Variants in TMOD1 observed in about 807,000 individuals in gnomAD.
The protein encoded by TMOD1 is tropomodulin 1, also known as tropomodulin-1.
In TMOD1, 17 loss-of-function variants were observed where a neutral mutation model predicts 40.6. That is an observed-to-expected ratio of 0.42 (90% CI 0.29 to 0.63). The LOEUF (loss-of-function observed/expected upper bound fraction) is 0.63. Among genes scored for constraint, TMOD1 ranks in the 20% least tolerant of loss-of-function variants. TMOD1 has a pLI of 0.22. For synonymous variants in TMOD1, 181 were observed against 175.0 expected (o/e 1.03, Z -0.27); for missense variants, 391 against 447.6 (o/e 0.87, Z 1.14).
At chr9:97,525,362 TAC>T (rs144785058) in intron 2 of TMOD1, among the ~76,000 whole-genome samples, 1 of 151,852 alleles carries the variant, frequency 6.6e-6, no homozygotes, top group Admixed American at 6.6e-5. Context: ...AGATATTTGC[TAC>T]ACACACACAC....
At chr9:97,534,033 G>C (rs1389546932) in intron 2 of TMOD1, among the ~76,000 whole-genome samples, 5 of 152,196 alleles carry the variant, frequency 3.3e-5, no homozygotes, top group Admixed American at 3.3e-4. Context: ...GGGATGGGGA[G>C]GGGGAGGGAT....
In TMOD1 at chr9:97,564,039, C is replaced by T. The variant is rs148028406; in HGVS notation, c.489C>T (p.Ser163=). 141 of 1,613,712 alleles carry T rather than the reference C, an allele frequency of 8.7e-5. No individual in the cohort carries two copies. In the African/African-American group the frequency reaches 8.8e-4, roughly 10 times the overall value. ...SSIMNKEGLN[S]VIKPTQYKPV... ...CCTCCCTTTCATCGGTCACTCTAGG[C>T]GTGATTAAACCCACACAATACAAGC... is the stretch of plus-strand genomic sequence containing the variant. Residue 163 remains serine (S), a splice_region_variant and synonymous_variant, in exon 6 of 10, where the codon AGC becomes AGT. Transcript: ENST00000259365.
At chr9:97,566,082 G>A in intron 7 of TMOD1, 127 bp downstream of exon 7, 1 of 742,078 alleles carries the variant, frequency 1.3e-6, no homozygotes, top group Non-Finnish European at 2.2e-6. Context: ...GGAAGGCATT[G>A]GACCAGGAGC....
chr9:97,510,728 G>C (rs1457242496), intron 1 of TMOD1, among the ~76,000 whole-genome samples: 1 of 152,164 alleles, frequency 6.6e-6, no homozygotes, highest in East Asian at 1.9e-4. Flanking sequence ...GAGTAGGGGT[G>C]CCTGAAGATA....
At chr9:97,536,415 CAGCTGGA>C (rs1317953142) in intron 2 of TMOD1, among the ~76,000 whole-genome samples, 1 of 151,994 alleles carries the variant, frequency 6.6e-6, no homozygotes, top group Non-Finnish European at 1.5e-5. Flanking sequence ...GAAGAGGAGT[CAGCTGGA>C]AGTTCGAAAA....
Position 97,540,569 on chromosome 9 carries a change from T to C in TMOD1, c.121-5616T>C, listed in dbSNP as rs554835460. Among the ~76,000 whole-genome samples the C allele has an allele frequency of 1.6e-3, 238 of 152,362 alleles. 2 individuals are homozygous for C. Among genetic ancestry groups the C allele is most frequent in the African/African-American group, 5.5e-3 (229 of 41,584 alleles). ...CATAACACCAGCCCTAGGCAACCAC[T>C]AATCTACTTTCTGTCTCTACAGATT... On this transcript the variant is annotated intron_variant, in intron 2 of 9. Coordinates refer to ENST00000259365, the MANE Select transcript of TMOD1 (RefSeq NM_003275.4).
intron 1 of TMOD1, among the ~76,000 whole-genome samples, chr9:97,505,647 T>A (rs141743227): frequency 7.0e-4 from 107 of 152,148 alleles, no homozygotes; most frequent in African/African-American, 2.5e-3. Flanking sequence ...ACGACTCCAG[T>A]CACCTCCCAA....
intron 3 of TMOD1, among the ~76,000 whole-genome samples, chr9:97,552,868 T>C (rs550796024): frequency 6.6e-6 from 1 of 152,340 alleles, no homozygotes; most frequent in South Asian, 2.1e-4. Context: ...GCATTATTTT[T>C]CTCCCTTTTC....
At chr9:97,503,581 G>A (rs930893604) in intron 1 of TMOD1, among the ~76,000 whole-genome samples, 1 of 152,320 alleles carries the variant, frequency 6.6e-6, no homozygotes, top group Middle Eastern at 3.4e-3. Context: ...GTTTTAGAGA[G>A]TCATTGACCC....
intron 8 of TMOD1, among the ~76,000 whole-genome samples, chr9:97,584,887 C>A (rs1032387793): frequency 6.6e-5 from 10 of 152,096 alleles, no homozygotes; most frequent in African/African-American, 2.4e-4. Context: ...TTATTTTGAG[C>A]CTATGTGTGT....
chr9:97,554,474 A>T (rs1830504734), intron 4 of TMOD1, among the ~76,000 whole-genome samples: 1 of 149,974 alleles, frequency 6.7e-6, no homozygotes, highest in Admixed American at 6.7e-5. Flanking sequence ...TTCAAGATAG[A>T]GATTTGGGCA....
Position 97,524,165 on chromosome 9 carries a change from G to A in TMOD1, c.-24G>A. 1 of 1,611,154 alleles carries A rather than the reference G, an allele frequency of 6.2e-7. No homozygotes were observed. The highest frequency in any genetic ancestry group is 1.7e-5 in the Admixed American group (1 of 59,562). On this transcript the variant is annotated 5_prime_UTR_variant, in exon 2 of 10. Transcript: ENST00000259365. ...GGTATTACTCAGCACAGAAATTCAG[G>A]AGACACAGACAAGTTCTTCCACGAT...
intron 2 of TMOD1, among the ~76,000 whole-genome samples, chr9:97,525,620 G>A (rs1301414249): frequency 6.6e-6 from 1 of 152,182 alleles, no homozygotes; most frequent in African/African-American, 2.4e-5. Flanking sequence ...GTTTTCCATT[G>A]ACCCTAATCA....
chr9:97,563,899 C>CA, intron 5 of TMOD1, 139 bp from the exon 6 acceptor site: 2 of 1,217,958 alleles, frequency 1.6e-6, no homozygotes, highest in Non-Finnish European at 2.3e-6. Context: ...GTGGTGCCCC[C>CA]TACCCCCACC....
At chr9:97,561,262 C>T (rs1362721983) in intron 4 of TMOD1, among the ~76,000 whole-genome samples, 2 of 152,182 alleles carry the variant, frequency 1.3e-5, no homozygotes, top group African/African-American at 4.8e-5. Flanking sequence ...AAAAGACACC[C>T]GAACTCCTTA....
intron 2 of TMOD1, among the ~76,000 whole-genome samples, chr9:97,544,749 G>T (rs1056695548): frequency 2.0e-5 from 3 of 151,840 alleles, no homozygotes; most frequent in African/African-American, 7.3e-5. Flanking sequence ...GGCTGGGAAC[G>T]GTAATCCCAG....
At chr9:97,599,540 T>C (rs1243916397) in intron 9 of TMOD1, 94 bp from the exon 10 acceptor site, 16 of 1,506,670 alleles carry the variant, frequency 1.1e-5, no homozygotes, top group Non-Finnish European at 1.5e-5. Context: ...AACAAACCAA[T>C]TAGTGCGAGG....
At chr9:97,562,964 G>A in intron 5 of TMOD1, 143 bp downstream of exon 5, 6 of 615,766 alleles carry the variant, frequency 9.7e-6, no homozygotes, top group Non-Finnish European at 1.4e-5. Context: ...TGGGATTTGT[G>A]TCTTGTTTAC....
At chr9:97,552,863 A>G (rs930986288) in intron 3 of TMOD1, among the ~76,000 whole-genome samples, 1 of 151,954 alleles carries the variant, frequency 6.6e-6, no homozygotes, top group African/African-American at 2.4e-5. Context: ...AGGATGCATT[A>G]TTTTTCTCCC....
Sources: gnomAD v4.1 joint callset for allele counts (sites outside exome capture counted in the v4.1 genomes callset) on GRCh38, gnomAD v4.1.1 for gene constraint, MANE v1.5 for transcripts, NCBI Gene and HGNC (gene_info 2026-07-23, HGNC 2026-07-21) for gene names.